LIPA: variants seen among roughly 807,000 people sequenced by gnomAD.
The protein encoded by LIPA is lysosomal acid lipase/cholesteryl ester hydrolase.
Under a neutral mutation model 40.6 loss-of-function variants are expected in LIPA, and 26 were observed. The observed-to-expected ratio is 0.64, with a 90% CI of 0.47 to 0.89. The LOEUF is 0.89. LIPA is among the 40% of genes least tolerant of loss of function. LIPA has a pLI of 0.00. For synonymous variants in LIPA, 188 were observed against 168.4 expected (o/e 1.12, Z -0.90); for missense variants, 455 against 479.6 (o/e 0.95, Z 0.48).
chr10:89,350,843 C>A (rs1262094755), intron 2 of LIPA, among the ~76,000 whole-genome samples: 7 of 152,172 alleles, frequency 4.6e-5, no homozygotes, highest in Non-Finnish European at 1.0e-4. Context: ...AGAGATAAGG[C>A]TTACTAGCCA....
At chr10:89,401,164 C>T (rs545851658) in intron 2 of LIPA, among the ~76,000 whole-genome samples, 40 of 151,340 alleles carry the variant, frequency 2.6e-4, no homozygotes, top group Admixed American at 2.6e-4. Flanking sequence ...TTACCTAGGC[C>T]AGAGTGCAGT....
chr10:89,256,179 C>T (rs997479691), upstream of LIPA, among the ~76,000 whole-genome samples: 1 of 152,134 alleles, frequency 6.6e-6, no homozygotes, highest in African/African-American at 2.4e-5. Context: ...CCACCCTCCA[C>T]AAGACAGAGC....
In LIPA at chr10:89,328,146, G is replaced by A. The variant is rs111838735; in HGVS notation, c.-2+14465C>T. ...CAAATTGTAAGTTGAGTTTCTTACT[G>A]TGCAGGCACATTCCTGAATTGTCCT... On this transcript the variant is annotated intron_variant, in intron 1 of 5. Transcript: ENST00000282673. 5,083 of 1,425,748 alleles carry A rather than the reference G, an allele frequency of 3.6e-3. 13 individuals carry two copies. The highest frequency in any genetic ancestry group is 4.3e-3 in the Non-Finnish European group (4,347 of 1,008,822). 88.3% of individuals were successfully genotyped at this position (1,425,748 alleles called of 1,614,324 possible).
At chr10:89,393,623 G>A (rs1027242357) in intron 2 of LIPA, among the ~76,000 whole-genome samples, 1 of 152,202 alleles carries the variant, frequency 6.6e-6, no homozygotes, top group Non-Finnish European at 1.5e-5. Flanking sequence ...CCAGCTACTT[G>A]GGAGGCTGAG....
At chr10:89,229,134 T>C (rs1367663737) in intron 3 of LIPA, among the ~76,000 whole-genome samples, 2 of 152,184 alleles carry the variant, frequency 1.3e-5, no homozygotes, top group African/African-American at 4.8e-5. Context: ...AATGCATAAC[T>C]AAACTGTGCT....
intron 1 of LIPA, chr10:89,328,191 T>C (rs947570397): frequency 1.9e-6 from 2 of 1,070,008 alleles, no homozygotes; most frequent in East Asian, 2.5e-5. Flanking sequence ...AGATTCAATA[T>C]GTCTTTATCA....
intron 2 of LIPA, among the ~76,000 whole-genome samples, chr10:89,399,141 T>A (rs1844386231): frequency 1.3e-5 from 2 of 152,238 alleles, no homozygotes; most frequent in Admixed American, 6.5e-5. Flanking sequence ...TGAGCATCTT[T>A]GCATATGTTT....
chr10:89,288,322 A>G (rs927953226), intron 1 of LIPA, among the ~76,000 whole-genome samples: 4 of 152,086 alleles, frequency 2.6e-5, no homozygotes, highest in African/African-American at 9.7e-5. Context: ...ACAAAAGCAA[A>G]CCTAGCTGAC....
chr10:89,364,765 C>A (rs1488809288), intron 2 of LIPA, among the ~76,000 whole-genome samples: 5 of 151,852 alleles, frequency 3.3e-5, no homozygotes, highest in Non-Finnish European at 5.9e-5. Context: ...ATTTGAGATG[C>A]ACAAGTAGTG....
intron 2 of LIPA, among the ~76,000 whole-genome samples, chr10:89,370,286 A>G (rs1165731859): frequency 6.6e-6 from 1 of 151,276 alleles, no homozygotes; most frequent in Non-Finnish European, 1.5e-5. Flanking sequence ...GTGCTGCAAC[A>G]CAGTCATGGC....
intron 1 of LIPA, among the ~76,000 whole-genome samples, chr10:89,276,378 CA>C (rs909193487): frequency 2.6e-5 from 4 of 152,186 alleles, no homozygotes; most frequent in Non-Finnish European, 4.4e-5. Context: ...CAACTTTTTC[CA>C]GAAACTCAAT....
intron 3 of LIPA, among the ~76,000 whole-genome samples, chr10:89,237,960 C>G (rs1270884447): frequency 6.6e-6 from 1 of 152,182 alleles, no homozygotes; most frequent in African/African-American, 2.4e-5. Flanking sequence ...GAAGAGAACC[C>G]CAACAGAGAG....
At chr10:89,353,999 TA>T (rs1329331444) in intron 2 of LIPA, among the ~76,000 whole-genome samples, 6 of 152,150 alleles carry the variant, frequency 3.9e-5, no homozygotes, top group African/African-American at 1.4e-4. Flanking sequence ...ATTCCTGCTC[TA>T]AAACTTTTTA....
At chr10:89,235,306 C>A (rs1194898949) in intron 3 of LIPA, among the ~76,000 whole-genome samples, 1 of 152,190 alleles carries the variant, frequency 6.6e-6, no homozygotes, top group Non-Finnish European at 1.5e-5. Flanking sequence ...CCCAGCTATG[C>A]CCTACGGGTG....
chr10:89,378,097 A>T (rs762644023), intron 2 of LIPA: 5 of 1,613,250 alleles, frequency 3.1e-6, no homozygotes, highest in Non-Finnish European at 4.2e-6. Context: ...CCAAGCCTGA[A>T]CCAAAGCACT....
chr10:89,354,578 T>C (rs1843979564), intron 2 of LIPA, among the ~76,000 whole-genome samples: 1 of 152,198 alleles, frequency 6.6e-6, no homozygotes, highest in South Asian at 2.1e-4. Flanking sequence ...CTTGTTTTTG[T>C]TTTTTCTGAG....
At chr10:89,389,541 A>G (rs1334641909) in intron 2 of LIPA, among the ~76,000 whole-genome samples, 1 of 152,248 alleles carries the variant, frequency 6.6e-6, no homozygotes, top group East Asian at 1.9e-4. Flanking sequence ...CCTGGCCATT[A>G]GCAAGCTGAT....
intron 2 of LIPA, among the ~76,000 whole-genome samples, chr10:89,350,384 C>T (rs1843951410): frequency 2.6e-5 from 4 of 151,844 alleles, no homozygotes; most frequent in African/African-American, 9.6e-5. Flanking sequence ...CGGCTCACTG[C>T]AAGCTCCGCC....
At chr10:89,222,720 ATTAT>A in intron 7 of LIPA, 138 bp from the exon 8 acceptor site, 1 of 695,914 alleles carries the variant, frequency 1.4e-6, no homozygotes, top group East Asian at 2.7e-5. Flanking sequence ...GTAGAAAAAA[ATTAT>A]TTGACTAAAA....
Sources: allele counts gnomAD v4.1 joint callset (sites outside exome capture counted in the v4.1 genomes callset), GRCh38; gene constraint gnomAD v4.1.1; transcripts MANE v1.5; gene names NCBI Gene and HGNC (gene_info 2026-07-23, HGNC 2026-07-21).